Variants in SLC38A1 observed in about 807,000 individuals in gnomAD.
SLC38A1 encodes solute carrier family 38 member 1.
A neutral mutation model predicts 60.3 loss-of-function variants in SLC38A1; 18 were observed. The observed-to-expected ratio is 0.30, with a 90% CI of 0.21 to 0.44. The LOEUF (loss-of-function observed/expected upper bound fraction) is 0.44, where lower values mean the gene tolerates loss of function less well. SLC38A1 is among the 20% of genes least tolerant of loss of function. SLC38A1 has a pLI of 1.00. For synonymous variants in SLC38A1, 196 were observed against 212.1 expected, an observed-to-expected ratio of 0.92 and a Z score of 0.66; for missense variants, 448 against 587.2, an observed-to-expected ratio of 0.76 and a Z score of 2.45.
In SLC38A1 at chr12:46,205,907, C is replaced by T. The variant is rs113430424; in HGVS notation, c.646+173G>A. Among the ~76,000 whole-genome samples the T allele has an allele frequency of 1.3e-3, 195 of 152,202 alleles. 1 individual carries two copies. Among genetic ancestry groups the T allele is most frequent in the African/African-American group, 4.3e-3 (177 of 41,486 alleles). ...GATTGTTTAGGAGGTCACATACTGA[C>T]TGTTATTTTTATCCCATATTAAAGT... On this transcript the variant is annotated intron_variant, in intron 9 of 16. Coordinates refer to ENST00000398637, the MANE Select transcript of SLC38A1 (RefSeq NM_030674.4).
chr12:46,249,155 CAAA>C (rs59948188), intron 1 of SLC38A1, among the ~76,000 whole-genome samples: 1 of 46,516 alleles, frequency 2.1e-5, no homozygotes, highest in African/African-American at 7.8e-5. Context: ...GACTCCGCCT[CAAA>C]AAAAAAAAAA....
At chr12:46,201,748 T>G (rs777005702) in intron 12 of SLC38A1, among the ~76,000 whole-genome samples, 5 of 151,896 alleles carry the variant, frequency 3.3e-5, no homozygotes, top group African/African-American at 4.8e-5. Context: ...TCAAGTTCAC[T>G]CTGGGGTTGG....
intron 12 of SLC38A1, among the ~76,000 whole-genome samples, chr12:46,202,552 T>A (rs532066781): frequency 7.4e-4 from 112 of 152,296 alleles, no homozygotes; most frequent in African/African-American, 2.6e-3. Context: ...CTTTTCCTAG[T>A]TTGTGGTCTT....
intron 5 of SLC38A1, among the ~76,000 whole-genome samples, chr12:46,219,396 C>G (rs777226138): frequency 6.6e-6 from 1 of 152,198 alleles, no homozygotes; most frequent in Non-Finnish European, 1.5e-5. Context: ...CACTTTACAA[C>G]TATCTTTTCT....
At chr12:46,212,929 A>G (rs1940239279) in intron 5 of SLC38A1, among the ~76,000 whole-genome samples, 1 of 152,154 alleles carries the variant, frequency 6.6e-6, no homozygotes, top group Non-Finnish European at 1.5e-5. Flanking sequence ...TTCTGGACCT[A>G]TTTGTATCTA....
intron 5 of SLC38A1, among the ~76,000 whole-genome samples, chr12:46,210,280 C>T (rs1404413750): frequency 6.6e-6 from 1 of 152,106 alleles, no homozygotes; most frequent in Non-Finnish European, 1.5e-5. Flanking sequence ...TACGGGGCAA[C>T]CATGAGGAGA....
chr12:46,243,479 A>C (rs1347229777), intron 1 of SLC38A1, among the ~76,000 whole-genome samples, 165 bp from the exon 2 acceptor site: 1 of 151,926 alleles, frequency 6.6e-6, no homozygotes, highest in Non-Finnish European at 1.5e-5. Flanking sequence ...TACTGTTGAT[A>C]CTTGGTTAAC....
At chr12:46,253,573 G>T (rs943507696) in intron 1 of SLC38A1, among the ~76,000 whole-genome samples, 3 of 152,176 alleles carry the variant, frequency 2.0e-5, no homozygotes, top group Non-Finnish European at 2.9e-5. Flanking sequence ...GTTTTAGCCA[G>T]CTTCTTTACT....
intron 1 of SLC38A1, among the ~76,000 whole-genome samples, chr12:46,262,076 C>G (rs921580955): frequency 7.2e-5 from 11 of 152,204 alleles, no homozygotes; most frequent in Admixed American, 6.5e-4. Context: ...TATGGACCCC[C>G]TCTTTGTGGG....
At chr12:46,225,943 G>A (rs1421598200) in intron 5 of SLC38A1, among the ~76,000 whole-genome samples, 1 of 152,106 alleles carries the variant, frequency 6.6e-6, no homozygotes, top group African/African-American at 2.4e-5. Flanking sequence ...AATTAAAAAA[G>A]ACTTAAAATA....
chr12:46,207,844 A>G (rs895215025), intron 6 of SLC38A1, among the ~76,000 whole-genome samples: 6 of 152,200 alleles, frequency 3.9e-5, no homozygotes, highest in Non-Finnish European at 8.8e-5. Context: ...TCCTTTTTCA[A>G]GTTGGCTACC....
chr12:46,268,184 C>G lies in SLC38A1; in HGVS notation c.-209+342G>C, dbSNP rs1168523997. 6.6e-6 allele frequency among the ~76,000 whole-genome samples: 1 copy of G among 152,218 alleles called. No individual in the cohort carries two copies. Among genetic ancestry groups the G allele is most frequent in the Non-Finnish European group, 1.5e-5 (1 of 68,036 alleles). The stretch of plus-strand genomic sequence containing the variant: ...CTCTCCCTCCAGACGTGCGTGGTTC[C>G]TGGCTCTCGTAAAAATGGAACCAGA... On this transcript the variant is annotated intron_variant, in intron 1 of 16. Coordinates refer to ENST00000398637, the MANE Select transcript of SLC38A1 (RefSeq NM_030674.4). This position sits in a 1 kb window ranked among gnomAD's most constrained non-coding sequence, Gnocchi z 4.4.
At chr12:46,243,635 G>T (rs1941518407) in intron 1 of SLC38A1, among the ~76,000 whole-genome samples, 2 of 152,190 alleles carry the variant, frequency 1.3e-5, no homozygotes, top group African/African-American at 4.8e-5. Flanking sequence ...AGGAAGTGCA[G>T]ATTGAGTTCA....
At position 46,201,183 on chromosome 12, in the gene SLC38A1, T is replaced by C; in HGVS notation, c.918A>G (p.Lys306=). 1 of 1,612,812 alleles carries C rather than the reference T, an allele frequency of 6.2e-7. No homozygotes were observed. The highest frequency in any genetic ancestry group is 8.5e-7 in the Non-Finnish European group (1 of 1,179,472). The stretch of plus-strand genomic sequence containing the variant: ...AGGAGATGTTTGAAACCATCTGCAT[T>C]TTTTTCTGTGATCGGCTAAAAACAA... ...YSELKDRSQK[K]MQMVSNISFF... The change falls in exon 13 of 17, where the codon AAA becomes AAG. Residue 306 remains lysine, a synonymous_variant. Transcript: ENST00000398637.
At chr12:46,202,205 T>A (rs68008518) in intron 12 of SLC38A1, among the ~76,000 whole-genome samples, 1,734 of 40,094 alleles carry the variant, frequency 0.043, 49 homozygotes, top group African/African-American at 0.23. Context: ...AAAAAAAAAA[T>A]AAATAAAGAA....
chr12:46,214,089 G>A (rs997577089), intron 5 of SLC38A1, among the ~76,000 whole-genome samples: 4 of 152,178 alleles, frequency 2.6e-5, no homozygotes, highest in Non-Finnish European at 5.9e-5. Flanking sequence ...AATCTTTTCT[G>A]CAGTCATTGC....
chr12:46,198,266 T>C (rs865892445), intron 14 of SLC38A1, among the ~76,000 whole-genome samples: 1 of 144,428 alleles, frequency 6.9e-6, no homozygotes, highest in Non-Finnish European at 1.5e-5. Context: ...TAGTAGAGTT[T>C]TCTTGTTGGG....
At chr12:46,256,632 C>CAGAGAG (rs1305015526) in intron 1 of SLC38A1, among the ~76,000 whole-genome samples, 2 of 71,408 alleles carry the variant, frequency 2.8e-5, no homozygotes, top group African/African-American at 1.2e-4. Context: ...CACACACACA[C>CAGAGAG]ACACAGAGAG....
At chr12:46,255,201 A>G (rs1343732592) in intron 1 of SLC38A1, among the ~76,000 whole-genome samples, 3 of 152,228 alleles carry the variant, frequency 2.0e-5, no homozygotes, top group African/African-American at 7.2e-5. Flanking sequence ...CAAGAAAACG[A>G]TTGTCTGTGG....
Sources: allele counts gnomAD v4.1 joint callset (sites outside exome capture counted in the v4.1 genomes callset), GRCh38; gene constraint gnomAD v4.1.1; non-coding constraint Gnocchi (gnomAD v3.1); transcripts MANE v1.5; gene names NCBI Gene and HGNC (gene_info 2026-07-23, HGNC 2026-07-21).